The following QRICH1 variants were observed in gnomAD, a reference collection of about 807,000 sequenced individuals.
The protein encoded by QRICH1 is glutamine rich 1.
A neutral mutation model predicts 87.1 loss-of-function variants in QRICH1; 16 were observed. The ratio of observed to expected loss-of-function variants is 0.18; its 90% CI spans 0.12 to 0.28. QRICH1 has a LOEUF of 0.28. QRICH1 is among the 10% of genes least tolerant of loss of function. QRICH1 has a pLI of 1.00. For missense variants in QRICH1, 647 were observed against 951.7 expected, an observed-to-expected ratio of 0.68 and a Z score of 4.21; for synonymous variants, 367 against 368.4, an observed-to-expected ratio of 1.00 and a Z score of 0.05.
chr3:49,055,168 A>T (rs150248280), intron 3 of QRICH1, among the ~76,000 whole-genome samples: 1 of 152,334 alleles, frequency 6.6e-6, no homozygotes, highest in African/African-American at 2.4e-5. Context: ...ACCTAGGATA[A>T]TATGATACTG....
chr3:49,046,778 A>G (rs2093341769), intron 4 of QRICH1, among the ~76,000 whole-genome samples, 199 bp from the exon 5 acceptor site: 1 of 152,142 alleles, frequency 6.6e-6, no homozygotes, highest in Admixed American at 6.6e-5. Flanking sequence ...TTGAGTGCCT[A>G]TCCCTGGTTC....
At position 49,057,870 on chromosome 3, in the gene QRICH1, C is replaced by A; in HGVS notation, c.330G>T (p.Gln110His). ...GCTGAGCCGAGACCTGTTGCGGAGA[C>A]TGCTGTACCTGCACCTGGACCTGTA... Reference protein sequence around the residue: ...QQVQVQVQVQQSPQQVSAQLS... With the variant: ...QQVQVQVQVQHSPQQVSAQLS... Residue 110 changes from glutamine to histidine, a missense_variant, in exon 3 of 10, where the codon CAG becomes CAT. This residue lies in a region of QRICH1 where 156 missense variants were observed against 164.5 expected (regional missense o/e 0.95). Coordinates refer to ENST00000395443, the MANE Select transcript of QRICH1 (RefSeq NM_198880.3). The surrounding 1 kb of genome is among the most constrained non-coding windows in gnomAD (Gnocchi z 5.4). The A allele has an allele frequency of 6.2e-7, 1 of 1,614,026 alleles. No individual in the cohort carries two copies. Among genetic ancestry groups the A allele is most frequent in the Non-Finnish European group, 8.5e-7 (1 of 1,180,016 alleles).
chr3:49,056,792 A>G lies in QRICH1; in HGVS notation c.1338+70T>C, dbSNP rs1452121197. 1.9e-6 allele frequency: 3 copies of G among 1,606,880 alleles called. No homozygotes were observed. The South Asian group carries it at 3.3e-5, about 18-fold the overall frequency. Reference sequence around the variant, plus strand: ...AGCAGTAAATAAGCCAGAGGTTGCGAGGCAAGCTCTGTGCTGCACTGGGCC... The same window carrying G: ...AGCAGTAAATAAGCCAGAGGTTGCGGGGCAAGCTCTGTGCTGCACTGGGCC... On this transcript the variant is annotated intron_variant, in intron 3 of 9. Coordinates refer to ENST00000395443, the MANE Select transcript of QRICH1 (RefSeq NM_198880.3).
intron 1 of QRICH1, among the ~76,000 whole-genome samples, chr3:49,090,956 C>CCTCA (rs1248465653): frequency 2.0e-5 from 3 of 152,262 alleles, no homozygotes; most frequent in Non-Finnish European, 2.9e-5. Context: ...GGCGCGGTGG[C>CCTCA]TCACGCCTGT....
chr3:49,078,214 T>C (rs760561001), intron 1 of QRICH1, among the ~76,000 whole-genome samples: 26 of 152,118 alleles, frequency 1.7e-4, no homozygotes, highest in Non-Finnish European at 3.4e-4. Context: ...CTCTACCTTA[T>C]GTTACAGATA....
chr3:49,069,628 G>T (rs1390324647), intron 2 of QRICH1, among the ~76,000 whole-genome samples: 1 of 145,726 alleles, frequency 6.9e-6, no homozygotes, highest in African/African-American at 2.5e-5. Flanking sequence ...GATTACAGGT[G>T]TGTACCACTA....
intron 1 of QRICH1, among the ~76,000 whole-genome samples, chr3:49,080,173 CCATG>C (rs2042031392): frequency 1.3e-5 from 2 of 152,244 alleles, no homozygotes; most frequent in South Asian, 4.2e-4. Context: ...AGGTCCTCTA[CCATG>C]CTGGTACATA....
intron 2 of QRICH1, 34 bp downstream of exon 2, chr3:49,076,675 T>C (rs1320776668): frequency 6.8e-7 from 1 of 1,464,040 alleles, no homozygotes. Context: ...ATAAAGTACA[T>C]TAAACAGGCT....
In QRICH1 at chr3:49,057,829, G is replaced by T. The variant is rs2093412160; in HGVS notation, c.371C>A (p.Thr124Asn). 4 of 1,614,142 alleles carry T rather than the reference G, an allele frequency of 2.5e-6. No homozygotes were observed. The highest frequency in any genetic ancestry group is 3.4e-6 in the Non-Finnish European group (4 of 1,180,038). ...GGGTTGCTCAGTAGGCTGGTGAACG[G>T]TGAGTTGTGGGGAGAGCTGAGCCGA... ...QVSAQLSPQL[T>N]VHQPTEQPIQ... is the part of the protein sequence containing the mutation. Residue 124 changes from threonine (T) to asparagine (N), a missense_variant, in exon 3 of 10, where the codon ACC (threonine) becomes AAC (asparagine). Thr to Asn is a moderately conservative substitution (Grantham distance 65). This residue lies in a region of QRICH1 where 156 missense variants were observed against 164.5 expected (regional missense o/e 0.95). Coordinates refer to ENST00000395443, the MANE Select transcript of QRICH1 (RefSeq NM_198880.3). The surrounding 1 kb of genome is among the most constrained non-coding windows in gnomAD (Gnocchi z 5.4).
At chr3:49,076,512 C>T (rs1292374098) in intron 2 of QRICH1, among the ~76,000 whole-genome samples, 197 bp downstream of exon 2, 2 of 106,054 alleles carry the variant, frequency 1.9e-5, no homozygotes, top group African/African-American at 4.0e-5. Flanking sequence ...GTCCTTGACA[C>T]TGGGGTTTGT....
intron 2 of QRICH1, among the ~76,000 whole-genome samples, chr3:49,070,199 G>A (rs536869083): frequency 1.3e-5 from 2 of 152,028 alleles, no homozygotes; most frequent in Admixed American, 6.6e-5. Context: ...AACATGCCCG[G>A]CTGATTTTTG....
chr3:49,031,746 G>A (rs2093241598), intron 9 of QRICH1, among the ~76,000 whole-genome samples: 1 of 152,270 alleles, frequency 6.6e-6, no homozygotes, highest in African/African-American at 2.4e-5. Flanking sequence ...CATGAGGTTA[G>A]CAAGGGGGAG....
rs1027244298 is a variant in QRICH1, at chr3:49,038,352, C to T, written c.1787-5124G>A. 5.9e-5 allele frequency among the ~76,000 whole-genome samples: 9 copies of T among 151,574 alleles called. No individual in the cohort carries two copies. In the South Asian group the frequency reaches 6.3e-4, roughly 11 times the overall value. ...CTGGGATTACAAGCATGAGCCACTG[C>T]GCCCAGCCTAATAAAGGGTAGATTT... is the stretch of plus-strand genomic sequence containing the variant. On this transcript the variant is annotated intron_variant, in intron 6 of 9. Transcript: ENST00000395443.
intron 1 of QRICH1, among the ~76,000 whole-genome samples, chr3:49,084,556 G>C (rs2042131830): frequency 6.6e-6 from 1 of 152,086 alleles, no homozygotes; most frequent in South Asian, 2.1e-4. Context: ...ATCCAGCCAA[G>C]ATTGTGAGAC....
intron 2 of QRICH1, among the ~76,000 whole-genome samples, chr3:49,058,450 C>G (rs998540407): frequency 1.3e-5 from 2 of 152,064 alleles, no homozygotes; most frequent in African/African-American, 2.4e-5. Flanking sequence ...GCCAGCCTCC[C>G]GAGTATCTGG....
chr3:49,048,758 A>T (rs1437405675), intron 3 of QRICH1, among the ~76,000 whole-genome samples: 114 of 131,038 alleles, frequency 8.7e-4, no homozygotes, highest in Admixed American at 3.0e-3. Flanking sequence ...ACTGTACTCC[A>T]GCCTGGGTAA....
At chr3:49,076,533 A>C (rs2041955387) in intron 2 of QRICH1, among the ~76,000 whole-genome samples, 176 bp downstream of exon 2, 1 of 152,194 alleles carries the variant, frequency 6.6e-6, no homozygotes, top group Non-Finnish European at 1.5e-5. Context: ...TTAAAAAAAA[A>C]AAAAAGCTTA....
chr3:49,068,724 G>A (rs1266953489), intron 2 of QRICH1, among the ~76,000 whole-genome samples: 1 of 151,526 alleles, frequency 6.6e-6, no homozygotes, highest in Non-Finnish European at 1.5e-5. Flanking sequence ...CGCTTCCTGG[G>A]CTCAAGTGAT....
At chr3:49,031,373 T>C (rs912198931) in intron 9 of QRICH1, among the ~76,000 whole-genome samples, 2 of 152,284 alleles carry the variant, frequency 1.3e-5, no homozygotes, top group Non-Finnish European at 2.9e-5. Context: ...AACTGTGCTG[T>C]ACCTCTATTA....
Sources: allele counts gnomAD v4.1 joint callset (sites outside exome capture counted in the v4.1 genomes callset), GRCh38; gene constraint gnomAD v4.1.1; regional missense constraint gnomAD v4.1.1; non-coding constraint Gnocchi (gnomAD v3.1); transcripts MANE v1.5; gene names NCBI Gene and HGNC (gene_info 2026-07-23, HGNC 2026-07-21).